TMOD1: variants seen among roughly 807,000 people sequenced by gnomAD.
The protein encoded by TMOD1 is tropomodulin-1.
A neutral mutation model predicts 40.6 loss-of-function variants in TMOD1; 17 were observed. The observed-to-expected ratio is 0.42, with a 90% CI of 0.29 to 0.63. TMOD1 has a LOEUF of 0.63. Ranked by LOEUF, TMOD1 falls within the 20% of genes least tolerant of loss-of-function variation. TMOD1 has a pLI of 0.22. For synonymous variants in TMOD1, 181 were observed against 175.0 expected (o/e 1.03, Z -0.27); for missense variants, 391 against 447.6 (o/e 0.87, Z 1.14).
chr9:97,555,607 A>C, intron 4 of TMOD1: 2 of 1,550,368 alleles, frequency 1.3e-6, no homozygotes, highest in Non-Finnish European at 1.7e-6. Context: ...TAACTGGCTA[A>C]CCTTGGATGC....
At chr9:97,559,317 C>T (rs1322253252) in intron 4 of TMOD1, among the ~76,000 whole-genome samples, 16 of 152,086 alleles carry the variant, frequency 1.1e-4, no homozygotes, top group Admixed American at 1.0e-3. Context: ...ATGCAGATGC[C>T]TCTCTCCCCA....
intron 1 of TMOD1, among the ~76,000 whole-genome samples, chr9:97,523,801 G>T (rs1370419655): frequency 6.6e-6 from 1 of 152,046 alleles, no homozygotes; most frequent in African/African-American, 2.4e-5. Flanking sequence ...GGGGTGTAGG[G>T]TGAAGGGTGG....
At chr9:97,531,031 ACACC>A (rs1830092158) in intron 2 of TMOD1, among the ~76,000 whole-genome samples, 1 of 81,184 alleles carries the variant, frequency 1.2e-5, no homozygotes, top group Non-Finnish European at 2.3e-5. Flanking sequence ...TAGGTGATCC[ACACC>A]CACCCCCCCC....
chr9:97,590,947 G>A (rs1019566526), intron 8 of TMOD1, among the ~76,000 whole-genome samples: 6 of 152,146 alleles, frequency 3.9e-5, no homozygotes, highest in African/African-American at 1.4e-4. Flanking sequence ...CCGGACAGCA[G>A]GGTTTTAAAA....
intron 1 of TMOD1, among the ~76,000 whole-genome samples, chr9:97,510,936 G>C (rs887932973): frequency 3.3e-5 from 5 of 152,054 alleles, no homozygotes; most frequent in South Asian, 2.1e-4. Context: ...AGGGCAGGTG[G>C]GCAGGCCAGC....
intron 9 of TMOD1, among the ~76,000 whole-genome samples, chr9:97,598,809 C>CT (rs1010933638): frequency 4.6e-5 from 7 of 152,132 alleles, no homozygotes; most frequent in African/African-American, 1.4e-4. Flanking sequence ...TATAGACGGA[C>CT]TTTTTTTCCC....
At chr9:97,510,009 T>G (rs763863466) in intron 1 of TMOD1, among the ~76,000 whole-genome samples, 3 of 152,230 alleles carry the variant, frequency 2.0e-5, no homozygotes, top group Non-Finnish European at 4.4e-5. Flanking sequence ...ATTAAACAAA[T>G]CAGCCTTTTG....
intron 2 of TMOD1, among the ~76,000 whole-genome samples, chr9:97,540,846 G>T (rs1250982696): frequency 2.0e-5 from 3 of 152,122 alleles, no homozygotes; most frequent in Non-Finnish European, 4.4e-5. Context: ...TCGTGTACAA[G>T]CATTTGGGTG....
In TMOD1 at chr9:97,599,668, C is replaced by CATCA; in HGVS notation, c.1051_1054dup (p.Ile352AsnfsTer26). On this transcript the variant is annotated frameshift_variant, in exon 10 of 10. Transcript: ENST00000259365. LOFTEE classifies it high-confidence loss of function. Reference sequence around the variant, plus strand: ...GGAGGCTTGCGGACCTGACTGGGCCCATCATTCCCAAGTGCCGGAGTGGTG... The same window carrying CATCA: ...GGAGGCTTGCGGACCTGACTGGGCCCATCAATCATTCCCAAGTGCCGGAGTGGTG... The CATCA allele has an allele frequency of 6.2e-7, 1 of 1,614,166 alleles. No individual in the cohort carries two copies. The highest frequency in any genetic ancestry group is 8.5e-7 in the Non-Finnish European group (1 of 1,180,010).
At chr9:97,508,899 A>G (rs1484955454) in intron 1 of TMOD1, among the ~76,000 whole-genome samples, 2 of 152,232 alleles carry the variant, frequency 1.3e-5, no homozygotes, top group Non-Finnish European at 2.9e-5. Flanking sequence ...AGAAGAGTGG[A>G]CACACGCCCT....
At chr9:97,568,782 A>G (rs2131270089) in intron 7 of TMOD1, 112 bp from the exon 8 acceptor site, 2 of 1,268,032 alleles carry the variant, frequency 1.6e-6, no homozygotes, top group Non-Finnish European at 2.2e-6. Context: ...GGTGAAGGAC[A>G]TGGTGGAGAT....
At chr9:97,598,912 T>TCATAGAG (rs1428593713) in intron 9 of TMOD1, among the ~76,000 whole-genome samples, 2 of 152,174 alleles carry the variant, frequency 1.3e-5, no homozygotes, top group East Asian at 3.8e-4. Flanking sequence ...CTCTTGTGGC[T>TCATAGAG]CATAGAGCTT....
At position 97,569,052 on chromosome 9, in the gene TMOD1, G is replaced by A. The variant is rs199843673; in HGVS notation, c.870+15G>A. Reference sequence around the variant, plus strand: ...TTGACAACCAGGTGAGATGGGCAACGGTCTCCTCAGGTCTGTTACTACATG... The same window carrying A: ...TTGACAACCAGGTGAGATGGGCAACAGTCTCCTCAGGTCTGTTACTACATG... On this transcript the variant is annotated intron_variant, in intron 8 of 9. Transcript: ENST00000259365. 410 of 1,612,826 alleles carry A rather than the reference G, an allele frequency of 2.5e-4. 1 individual carries two copies. The African/African-American group carries it at 3.6e-3, about 14-fold the overall frequency.
In TMOD1 at chr9:97,566,486, C is replaced by T. The variant is rs146646864; in HGVS notation, c.726+531C>T. Among the ~76,000 whole-genome samples, 498 of 152,160 alleles carry T rather than the reference C, an allele frequency of 3.3e-3. 2 individuals carry two copies. The highest frequency in any genetic ancestry group is 0.012 in the African/African-American group (487 of 41,508). ...AGAAGTTCGAGACCAGCCTGGCCAA[C>T]ATGGTGAAACCCCGTCTCTACTAAA... On this transcript the variant is annotated intron_variant, in intron 7 of 9. Transcript: ENST00000259365.
chr9:97,566,397 G>A (rs567387957), intron 7 of TMOD1, among the ~76,000 whole-genome samples: 5 of 152,260 alleles, frequency 3.3e-5, no homozygotes, highest in South Asian at 2.1e-4. Flanking sequence ...TTGGTTGGGC[G>A]CAGTGGCTCA....
At chr9:97,588,976 G>T (rs958101583) in intron 8 of TMOD1, among the ~76,000 whole-genome samples, 3 of 151,758 alleles carry the variant, frequency 2.0e-5, no homozygotes, top group Non-Finnish European at 2.9e-5. Flanking sequence ...AATTAGCCAC[G>T]TATGGTGGCA....
intron 4 of TMOD1, chr9:97,555,831 C>A: frequency 2.4e-6 from 2 of 847,682 alleles, no homozygotes; most frequent in Non-Finnish European, 3.9e-6. Context: ...AAATGCCTTG[C>A]CCAAAGGGTT....
intron 8 of TMOD1, among the ~76,000 whole-genome samples, chr9:97,588,409 A>G (rs1435549117): frequency 6.6e-6 from 1 of 152,182 alleles, no homozygotes; most frequent in African/African-American, 2.4e-5. Flanking sequence ...GTCTATTCAA[A>G]TCCTTTGCTC....
chr9:97,525,909 G>A (rs1254282638), intron 2 of TMOD1, among the ~76,000 whole-genome samples: 2 of 152,172 alleles, frequency 1.3e-5, no homozygotes, highest in African/African-American at 2.4e-5. Context: ...CAGACCACAG[G>A]GTCATGGGAA....
Sources: gnomAD v4.1 joint callset for allele counts (sites outside exome capture counted in the v4.1 genomes callset) on GRCh38, gnomAD v4.1.1 for gene constraint, MANE v1.5 for transcripts, NCBI Gene and HGNC (gene_info 2026-07-23, HGNC 2026-07-21) for gene names.